PPWD1: variants seen among roughly 807,000 people sequenced by gnomAD.
The protein encoded by PPWD1 is peptidylprolyl isomerase domain and WD repeat containing 1.
PPWD1 carries 43 observed loss-of-function variants against 68.8 expected under a neutral mutation model. That is an observed-to-expected ratio of 0.62 (90% CI 0.49 to 0.81). The LOEUF is 0.81. Ranked by LOEUF, PPWD1 falls within the 30% of genes least tolerant of loss-of-function variation. The probability of loss-of-function intolerance (pLI) is 0.00; values close to 1 mark genes in which losing one functional copy is unlikely to be tolerated. For synonymous variants in PPWD1, 232 were observed against 258.7 expected (o/e 0.90, Z 0.99); for missense variants, 672 against 804.8 (o/e 0.83, Z 2.00).
At chr5:65,566,691 C>G (rs1752781931) in intron 1 of PPWD1, among the ~76,000 whole-genome samples, 1 of 150,438 alleles carries the variant, frequency 6.6e-6, no homozygotes, top group African/African-American at 2.5e-5. Flanking sequence ...TATAATTCTC[C>G]CCTCCCCTCG....
intron 6 of PPWD1, 176 bp from the exon 7 acceptor site, chr5:65,579,248 C>A: frequency 1.9e-6 from 2 of 1,067,986 alleles, no homozygotes; most frequent in Non-Finnish European, 2.5e-6. Flanking sequence ...AAAATTATAG[C>A]TGCCTACCAG....
At position 65,571,311 on chromosome 5, in the gene PPWD1, AG is replaced by A. The variant is rs1752997322; in HGVS notation, c.522-526del. On this transcript the variant is annotated intron_variant, in intron 4 of 10. Coordinates refer to ENST00000261308, the MANE Select transcript of PPWD1 (RefSeq NM_015342.4). ...TGAATTCTGTTATGCCTTGTTCATC[AG>A]GTAGAATGTTTAAAGCTTTGAGTTT... 2.6e-5 allele frequency among the ~76,000 whole-genome samples: 4 copies of A among 152,306 alleles called. No homozygotes were observed. In the South Asian group the frequency reaches 8.3e-4, roughly 32 times the overall value.
chr5:65,566,633 T>A (rs1051990161), intron 1 of PPWD1, among the ~76,000 whole-genome samples: 1 of 152,104 alleles, frequency 6.6e-6, no homozygotes, highest in Non-Finnish European at 1.5e-5. Flanking sequence ...TTTAGCAACT[T>A]TTTTTAGGCA....
At chr5:65,567,868 G>A (rs1263426763) in intron 2 of PPWD1, 6 of 488,778 alleles carry the variant, frequency 1.2e-5, no homozygotes, top group South Asian at 7.4e-5. Context: ...TAGTGTCTGA[G>A]CTTCCCTGAA....
chr5:65,564,709 A>G (rs897057250), intron 1 of PPWD1, among the ~76,000 whole-genome samples: 2 of 152,036 alleles, frequency 1.3e-5, no homozygotes, highest in African/African-American at 4.8e-5. Context: ...TGCATCTTCC[A>G]TTACCTTCCT....
At chr5:65,568,275 C>T (rs1752864186) in intron 2 of PPWD1, among the ~76,000 whole-genome samples, 1 of 152,116 alleles carries the variant, frequency 6.6e-6, no homozygotes, top group African/African-American at 2.4e-5. Context: ...TAGTATGTCC[C>T]AGGTACTATG....
intron 7 of PPWD1, among the ~76,000 whole-genome samples, chr5:65,581,556 A>G (rs1382700985): frequency 2.0e-5 from 3 of 152,232 alleles, no homozygotes; most frequent in Non-Finnish European, 4.4e-5. Flanking sequence ...ACTGCACTTC[A>G]GCCTAGGTGA....
At position 65,586,119 on chromosome 5, in the gene PPWD1, A is replaced by G; in HGVS notation, c.1735A>G (p.Ser579Gly). Residue 579 changes from serine to glycine, a missense_variant, in exon 10 of 11, where the codon AGC (serine) becomes GGC (glycine). Ser to Gly is a moderately conservative substitution (Grantham distance 56). Transcript: ENST00000261308. ...ACGACATGACAGGCCATACACACTC[A>G]GCATGGCTAACGCGGGATCAAATAC... Reference protein sequence around the residue: ...TLRHDRPYTLSMANAGSNTNG... With the variant: ...TLRHDRPYTLGMANAGSNTNG... 2 of 1,613,564 alleles carry G rather than the reference A, an allele frequency of 1.2e-6. No individual in the cohort carries two copies. The highest frequency in any genetic ancestry group is 8.5e-7 in the Non-Finnish European group (1 of 1,179,562).
At chr5:65,564,231 A>G (rs1752536140) in intron 1 of PPWD1, among the ~76,000 whole-genome samples, 1 of 151,956 alleles carries the variant, frequency 6.6e-6, no homozygotes, top group African/African-American at 2.4e-5. Flanking sequence ...TTAAGTATTT[A>G]AGACATTTTA....
intron 6 of PPWD1, among the ~76,000 whole-genome samples, chr5:65,577,300 T>C (rs577179821): frequency 2.6e-4 from 40 of 152,356 alleles, no homozygotes; most frequent in Non-Finnish European, 4.1e-4. Context: ...AAGATATGCA[T>C]AGTTTCAAGT....
At chr5:65,567,767 A>AT (rs1326582988) in intron 2 of PPWD1, 152 bp downstream of exon 2, 2 of 1,287,308 alleles carry the variant, frequency 1.6e-6, no homozygotes, top group African/African-American at 3.0e-5. Flanking sequence ...GTTCTTTCCT[A>AT]TATCGTACAA....
intron 5 of PPWD1, 58 bp from the exon 6 acceptor site, chr5:65,576,803 TATATAGATAGATGGGTTG>T: frequency 6.6e-7 from 1 of 1,510,586 alleles, no homozygotes; most frequent in South Asian, 1.3e-5. Flanking sequence ...TCTCATTGCA[TATATAGATAGATGGGTTG>T]ATATAGATAT....
intron 2 of PPWD1, chr5:65,568,925 A>G (rs1213769934): frequency 8.8e-6 from 4 of 455,680 alleles, no homozygotes; most frequent in Non-Finnish European, 1.8e-5. Flanking sequence ...AAGACAATGG[A>G]AGGTAATACA....
intron 5 of PPWD1, among the ~76,000 whole-genome samples, chr5:65,575,241 T>C (rs886215517): frequency 2.6e-5 from 4 of 152,216 alleles, no homozygotes; most frequent in African/African-American, 4.8e-5. Flanking sequence ...ACAGACCTTA[T>C]GCCTTAAAAA....
intron 2 of PPWD1, chr5:65,568,201 G>T (rs1192341513): frequency 1.3e-5 from 2 of 152,078 alleles, no homozygotes; most frequent in South Asian, 2.1e-4. Context: ...AACACTTCTG[G>T]TCCGATACAT....
chr5:65,571,701 G>C (rs929097708), intron 4 of PPWD1, 138 bp from the exon 5 acceptor site: 1 of 1,370,590 alleles, frequency 7.3e-7, no homozygotes, highest in East Asian at 2.5e-5. Flanking sequence ...TCCCCATTCT[G>C]TGTCTCTGCT....
intron 8 of PPWD1, among the ~76,000 whole-genome samples, chr5:65,584,290 T>A (rs1753723362): frequency 6.6e-6 from 1 of 152,206 alleles, no homozygotes; most frequent in Non-Finnish European, 1.5e-5. Context: ...ATTCTCTTGG[T>A]TCGTCCATTT....
chr5:65,565,210 T>A (rs1752694419), intron 1 of PPWD1, among the ~76,000 whole-genome samples: 1 of 152,236 alleles, frequency 6.6e-6, no homozygotes, highest in African/African-American at 2.4e-5. Flanking sequence ...TGTAAACAAG[T>A]AAGAACCAGA....
At chr5:65,586,306 A>C (rs1413912381) in intron 10 of PPWD1, 125 bp downstream of exon 10, 7 of 945,044 alleles carry the variant, frequency 7.4e-6, no homozygotes, top group Non-Finnish European at 1.0e-5. Flanking sequence ...GCAGAATACA[A>C]ATATGAAAAT....
Sources: gnomAD v4.1 joint callset for allele counts (sites outside exome capture counted in the v4.1 genomes callset) on GRCh38, gnomAD v4.1.1 for gene constraint, MANE v1.5 for transcripts, NCBI Gene and HGNC (gene_info 2026-07-23, HGNC 2026-07-21) for gene names.